SYNE2: variants seen among roughly 807,000 people sequenced by gnomAD.
The protein encoded by SYNE2 is spectrin repeat containing nuclear envelope protein 2.
In SYNE2, 431 loss-of-function variants were observed where a neutral mutation model predicts 856.3. The ratio of observed to expected loss-of-function variants is 0.50; its 90% CI spans 0.47 to 0.55. The LOEUF is 0.55. Ranked by LOEUF, SYNE2 falls within the 20% of genes least tolerant of loss-of-function variation. The pLI, the probability that SYNE2 is intolerant of heterozygous loss-of-function variation, is 0.00. For synonymous variants in SYNE2, 2,923 were observed against 2,872.3 expected, an observed-to-expected ratio of 1.02 and a Z score of -0.56; for missense variants, 8,129 against 8,023.2, an observed-to-expected ratio of 1.01 and a Z score of -0.50.
intron 101 of SYNE2, 114 bp downstream of exon 101, chr14:64,209,059 A>G: frequency 7.5e-7 from 1 of 1,337,304 alleles, no homozygotes; most frequent in Non-Finnish European, 1.0e-6. Context: ...TGCGCCAGGT[A>G]TTGGCAGAGA....
At chr14:64,067,617 C>T (rs1476185557) in intron 51 of SYNE2, among the ~76,000 whole-genome samples, 1 of 152,032 alleles carries the variant, frequency 6.6e-6, no homozygotes, top group Non-Finnish European at 1.5e-5. Flanking sequence ...CATAATAATC[C>T]AGTGTTTATG....
intron 2 of SYNE2, among the ~76,000 whole-genome samples, chr14:63,929,360 A>C (rs533401457): frequency 6.6e-6 from 1 of 152,364 alleles, no homozygotes; most frequent in South Asian, 2.1e-4. Flanking sequence ...ACAATATACC[A>C]ATAACAAATA....
At chr14:63,912,399 G>A (rs1296785299) in intron 2 of SYNE2, among the ~76,000 whole-genome samples, 1 of 152,072 alleles carries the variant, frequency 6.6e-6, no homozygotes, top group African/African-American at 2.4e-5. Flanking sequence ...TGAACCAAAG[G>A]CTGTTGGTGG....
rs1370540360 is a variant in SYNE2 at position 64,029,901 on chromosome 14, G to A, written c.6721G>A (p.Val2241Met). Reference protein sequence around the residue: ...ESLLQQLQDSVQNLDGHVREH... With the variant: ...ESLLQQLQDSMQNLDGHVREH... ...TCTGTGGCTTTATTTTTAGGATTCT[G>A]TGCAAAACTTGGACGGTCACGTTCG... is the stretch of plus-strand genomic sequence containing the variant. Residue 2241 changes from valine (V) to methionine (M), a missense_variant, in exon 44 of 116, where the codon GTG (valine) becomes ATG (methionine). By Grantham distance (21) the Val-to-Met change is conservative. Transcript: ENST00000555002. 6.2e-7 allele frequency: 1 copy of A among 1,613,490 alleles called. No homozygotes were observed.
chr14:64,085,142 G>A (rs574202811), intron 57 of SYNE2: 20 of 613,872 alleles, frequency 3.3e-5, no homozygotes, highest in Admixed American at 1.2e-4. Flanking sequence ...GCACAATGTC[G>A]GCTCACTGCA....
chr14:63,892,172 C>T (rs778712414), intron 1 of SYNE2, among the ~76,000 whole-genome samples: 105 of 152,054 alleles, frequency 6.9e-4, no homozygotes, highest in Admixed American at 2.2e-3. Context: ...ACAACAGAAA[C>T]GTGTAAAAAT....
intron 84 of SYNE2, among the ~76,000 whole-genome samples, chr14:64,150,007 C>CTTTTTTTT (rs755126549): frequency 1.6e-4 from 15 of 94,406 alleles, no homozygotes; most frequent in East Asian, 3.3e-4. Context: ...TTTTTCTTTT[C>CTTTTTTTT]TTTTTTTTTT....
intron 2 of SYNE2, among the ~76,000 whole-genome samples, chr14:63,924,832 G>GTTTTTT (rs1491139905): frequency 0.013 from 1,228 of 92,796 alleles, 328 homozygotes; most frequent in African/African-American, 0.034. Context: ...TCCAGCCTTG[G>GTTTTTT]TGTTTTTTTT....
chr14:63,909,245 G>T lies in SYNE2; in HGVS notation c.79+18G>T. The T allele has an allele frequency of 6.4e-7, 1 of 1,563,630 alleles. No homozygotes were observed. The highest frequency in any genetic ancestry group is 8.8e-7 in the Non-Finnish European group (1 of 1,135,126). Reference sequence around the variant, plus strand: ...ATTGCAAGGTAATTAAGATTGGGTGGGGGTAACACCCACAGAAACTGGGGA... The same window carrying T: ...ATTGCAAGGTAATTAAGATTGGGTGTGGGTAACACCCACAGAAACTGGGGA... On this transcript the variant is annotated intron_variant, in intron 2 of 115. Transcript: ENST00000555002.
chr14:64,212,707 A>G, intron 104 of SYNE2, 104 bp from the exon 105 acceptor site: 1 of 1,070,162 alleles, frequency 9.3e-7, no homozygotes, highest in Non-Finnish European at 1.4e-6. Flanking sequence ...GGAAAACAAC[A>G]ATAATGACAT....
intron 8 of SYNE2, 145 bp downstream of exon 8, chr14:63,955,060 C>T: frequency 1.4e-6 from 1 of 700,348 alleles, no homozygotes; most frequent in Non-Finnish European, 2.4e-6. Context: ...GAATTTGATG[C>T]AATCAAACAA....
At chr14:63,863,263 G>C (rs1894237792) in intron 1 of SYNE2, among the ~76,000 whole-genome samples, 1 of 152,038 alleles carries the variant, frequency 6.6e-6, no homozygotes, top group South Asian at 2.1e-4. Flanking sequence ...TTTTTTTCAA[G>C]GTTCGAGATG....
At chr14:63,773,971 A>C (rs1887016183) in intron 1 of SYNE2, among the ~76,000 whole-genome samples, 1 of 152,196 alleles carries the variant, frequency 6.6e-6, no homozygotes, top group South Asian at 2.1e-4. Context: ...AATGCTTTGC[A>C]TTTGTAAGGC....
At chr14:63,863,667 A>G (rs769378903) in intron 1 of SYNE2, among the ~76,000 whole-genome samples, 17 of 152,200 alleles carry the variant, frequency 1.1e-4, no homozygotes, top group Non-Finnish European at 2.2e-4. Context: ...TAGCCAGTGT[A>G]TGATGGGATT....
At chr14:64,034,462 ACTTTTT>A (rs941112234) in intron 45 of SYNE2, 1 of 474,672 alleles carries the variant, frequency 2.1e-6, no homozygotes, top group African/African-American at 2.0e-5. Context: ...TATTTCTTTT[ACTTTTT>A]CTTTAGTAAA....
At chr14:64,137,508 C>T (rs764877964) in intron 78 of SYNE2, among the ~76,000 whole-genome samples, 1 of 152,200 alleles carries the variant, frequency 6.6e-6, no homozygotes, top group Admixed American at 6.5e-5. Context: ...GCCTCAGCCT[C>T]CCAAAGTGCT....
At chr14:63,934,685 G>A (rs1357610511) in intron 2 of SYNE2, among the ~76,000 whole-genome samples, 1 of 152,012 alleles carries the variant, frequency 6.6e-6, no homozygotes, top group Non-Finnish European at 1.5e-5. Context: ...GTTGAGTTGT[G>A]CTCCTCCTTC....
intron 100 of SYNE2, 77 bp downstream of exon 100, chr14:64,203,040 CT>C (rs1208649352): frequency 2.8e-5 from 44 of 1,567,680 alleles, no homozygotes; most frequent in Non-Finnish European, 3.2e-5. Context: ...CCCCGTATAT[CT>C]ATGTGTTTTC....
At chr14:64,145,869 T>C (rs906492000) in intron 83 of SYNE2, among the ~76,000 whole-genome samples, 199 bp from the exon 84 acceptor site, 3 of 152,220 alleles carry the variant, frequency 2.0e-5, no homozygotes, top group African/African-American at 4.8e-5. Context: ...ACCTTAAATA[T>C]GATATTTTTT....
Sources: gnomAD v4.1 joint callset for allele counts (sites outside exome capture counted in the v4.1 genomes callset) on GRCh38, gnomAD v4.1.1 for gene constraint, MANE v1.5 for transcripts, NCBI Gene and HGNC (gene_info 2026-07-23, HGNC 2026-07-21) for gene names.